The following HCN1 variants were observed in gnomAD, a reference collection of about 807,000 sequenced individuals.
HCN1 encodes the protein hyperpolarization activated cyclic nucleotide gated potassium channel 1.
HCN1 carries 13 observed loss-of-function variants against 78.9 expected under a neutral mutation model. The observed-to-expected ratio is 0.16, with a 90% CI of 0.11 to 0.26. The LOEUF is 0.26. Among genes scored for constraint, HCN1 ranks in the 10% least tolerant of loss-of-function variants. The probability of loss-of-function intolerance (pLI) is 1.00; values close to 1 mark genes in which losing one functional copy is unlikely to be tolerated. For missense variants in HCN1, 810 were observed against 1,154.3 expected, an observed-to-expected ratio of 0.70 and a Z score of 4.32; for synonymous variants, 552 against 455.5, an observed-to-expected ratio of 1.21 and a Z score of -2.70.
chr5:45,316,522 C>A (rs915619512), intron 5 of HCN1, among the ~76,000 whole-genome samples: 1 of 152,244 alleles, frequency 6.6e-6, no homozygotes, highest in South Asian at 2.1e-4. Context: ...GATGCCCTCT[C>A]TCACCACTCC....
chr5:45,673,875 T>G (rs1746210213), intron 1 of HCN1, among the ~76,000 whole-genome samples: 1 of 151,624 alleles, frequency 6.6e-6, no homozygotes, highest in East Asian at 1.9e-4. Context: ...AAGTATGAAA[T>G]TCTAATACTA....
chr5:45,518,529 T>C (rs1742555623), intron 2 of HCN1, among the ~76,000 whole-genome samples: 1 of 151,898 alleles, frequency 6.6e-6, no homozygotes, highest in South Asian at 2.1e-4. Context: ...GCAGGTTATA[T>C]TGAGAGTGCA....
chr5:45,265,786 T>C (rs1014205445), intron 7 of HCN1, among the ~76,000 whole-genome samples: 1 of 152,234 alleles, frequency 6.6e-6, no homozygotes, highest in African/African-American at 2.4e-5. Flanking sequence ...ATATTCATTG[T>C]ATACTAGGTA....
intron 5 of HCN1, among the ~76,000 whole-genome samples, chr5:45,326,971 A>T (rs1231085408): frequency 6.6e-6 from 1 of 151,694 alleles, no homozygotes; most frequent in African/African-American, 2.4e-5. Flanking sequence ...TAAAGGGAAA[A>T]ATATAGAAGC....
intron 2 of HCN1, among the ~76,000 whole-genome samples, chr5:45,545,904 T>C (rs189451920): frequency 6.6e-6 from 1 of 152,184 alleles, no homozygotes; most frequent in East Asian, 1.9e-4. Context: ...ACCTCAGATG[T>C]GTTTTAGCTT....
At chr5:45,490,086 A>C (rs74775996) in intron 2 of HCN1, among the ~76,000 whole-genome samples, 2,135 of 152,302 alleles carry the variant, frequency 0.014, 52 homozygotes, top group African/African-American at 0.048. Flanking sequence ...TATAGAAATT[A>C]ACCAGGTGAA....
chr5:45,314,710 T>C (rs149547596), intron 5 of HCN1, among the ~76,000 whole-genome samples: 2,443 of 152,008 alleles, frequency 0.016, 69 homozygotes, highest in African/African-American at 0.056. Flanking sequence ...AATAAAGGGA[T>C]AGAGGAAGAT....
At chr5:45,581,103 C>G (rs1054296601) in intron 2 of HCN1, among the ~76,000 whole-genome samples, 1 of 152,118 alleles carries the variant, frequency 6.6e-6, no homozygotes, top group Admixed American at 6.6e-5. Flanking sequence ...GATCCTTGAG[C>G]AATCGCCACA....
chr5:45,350,778 G>T (rs1746879367), intron 5 of HCN1, among the ~76,000 whole-genome samples: 1 of 151,942 alleles, frequency 6.6e-6, no homozygotes, highest in African/African-American at 2.4e-5. Flanking sequence ...ATTCACAATT[G>T]CTTCAAAGAG....
chr5:45,441,271 T>C (rs1740673300), intron 3 of HCN1, among the ~76,000 whole-genome samples: 1 of 152,152 alleles, frequency 6.6e-6, no homozygotes, highest in Admixed American at 6.5e-5. Context: ...GAAAAGACTT[T>C]GTTTTATTAT....
At chr5:45,300,051 A>C (rs906647487) in intron 6 of HCN1, among the ~76,000 whole-genome samples, 8 of 152,100 alleles carry the variant, frequency 5.3e-5, no homozygotes, top group Non-Finnish European at 1.2e-4. Flanking sequence ...GGAGGAACAT[A>C]TTCCAGTCTT....
At chr5:45,355,069 A>C (rs1033614605) in intron 4 of HCN1, among the ~76,000 whole-genome samples, 1 of 151,964 alleles carries the variant, frequency 6.6e-6, no homozygotes, top group African/African-American at 2.4e-5. Flanking sequence ...CTTAGGGTTG[A>C]TTGAATCTAA....
intron 5 of HCN1, among the ~76,000 whole-genome samples, chr5:45,306,095 T>C (rs574204139): frequency 6.6e-6 from 1 of 152,174 alleles, no homozygotes; most frequent in Admixed American, 6.6e-5. Context: ...GACAGAGTTA[T>C]GTCATGAAAA....
chr5:45,527,973 G>A (rs1181861118), intron 2 of HCN1, among the ~76,000 whole-genome samples: 2 of 150,706 alleles, frequency 1.3e-5, no homozygotes, highest in African/African-American at 4.9e-5. Flanking sequence ...TATAGTCCTA[G>A]GGGAAAAATA....
chr5:45,432,769 T>C (rs1249961823), intron 3 of HCN1, among the ~76,000 whole-genome samples: 3 of 152,184 alleles, frequency 2.0e-5, no homozygotes, highest in African/African-American at 7.2e-5. Flanking sequence ...TAGTTCTATT[T>C]ATGTGATGGT....
At chr5:45,474,476 A>T (rs1201745463) in intron 2 of HCN1, among the ~76,000 whole-genome samples, 1 of 151,798 alleles carries the variant, frequency 6.6e-6, no homozygotes, top group Non-Finnish European at 1.5e-5. Context: ...CTCCTAAATT[A>T]TTTTCATCTA....
At chr5:45,376,821 A>G (rs945084547) in intron 4 of HCN1, among the ~76,000 whole-genome samples, 2 of 151,932 alleles carry the variant, frequency 1.3e-5, no homozygotes, top group Non-Finnish European at 2.9e-5. Flanking sequence ...ATTATCTGTC[A>G]TATATTGGTA....
chr5:45,542,832 T>A (rs1383616250), intron 2 of HCN1, among the ~76,000 whole-genome samples: 1 of 152,106 alleles, frequency 6.6e-6, no homozygotes, highest in Non-Finnish European at 1.5e-5. Flanking sequence ...TAAAAGAAAA[T>A]GCTATAGTCA....
intron 3 of HCN1, among the ~76,000 whole-genome samples, chr5:45,404,799 C>T (rs1413408674): frequency 6.6e-6 from 1 of 151,074 alleles, no homozygotes; most frequent in Non-Finnish European, 1.5e-5. Context: ...TCAAACTTAG[C>T]CACTCAGTAG....
Sources: gnomAD v4.1 joint callset for allele counts (sites outside exome capture counted in the v4.1 genomes callset) on GRCh38, gnomAD v4.1.1 for gene constraint, MANE v1.5 for transcripts, NCBI Gene and HGNC (gene_info 2026-07-23, HGNC 2026-07-21) for gene names.